Variants in KCNN3 observed in about 807,000 individuals in gnomAD.
KCNN3 encodes potassium calcium-activated channel subfamily N member 3.
KCNN3 carries 16 observed loss-of-function variants against 62.9 expected under a neutral mutation model. The observed-to-expected ratio is 0.25, with a 90% CI of 0.17 to 0.39. The LOEUF (loss-of-function observed/expected upper bound fraction) is 0.39, where lower values mean the gene tolerates loss of function less well. KCNN3 is among the 10% of genes least tolerant of loss of function. The probability of loss-of-function intolerance (pLI) is 1.00; values close to 1 mark genes in which losing one functional copy is unlikely to be tolerated. For synonymous variants in KCNN3, 370 were observed against 389.2 expected, an observed-to-expected ratio of 0.95 and a Z score of 0.58; for missense variants, 599 against 949.4, an observed-to-expected ratio of 0.63 and a Z score of 4.85.
At chr1:154,858,495 A>C (rs1652623933) in intron 1 of KCNN3, among the ~76,000 whole-genome samples, 1 of 152,220 alleles carries the variant, frequency 6.6e-6, no homozygotes, top group African/African-American at 2.4e-5. Context: ...TCTCTTAGGA[A>C]GAGTTGGTGG....
At chr1:154,763,410 C>T (rs1248075814) in intron 3 of KCNN3, among the ~76,000 whole-genome samples, 1 of 151,948 alleles carries the variant, frequency 6.6e-6, no homozygotes, top group Non-Finnish European at 1.5e-5. Context: ...CTATGTTGCC[C>T]AGGCTGAGGC....
intron 2 of KCNN3, among the ~76,000 whole-genome samples, chr1:154,812,832 T>G (rs1650472188): frequency 6.6e-6 from 1 of 152,228 alleles, no homozygotes; most frequent in Non-Finnish European, 1.5e-5. Flanking sequence ...GCTCTGTGAC[T>G]GGGCAGAGGC....
chr1:154,822,834 G>T (rs1321322875), intron 1 of KCNN3, among the ~76,000 whole-genome samples: 5 of 152,192 alleles, frequency 3.3e-5, no homozygotes, highest in Non-Finnish European at 5.9e-5. Context: ...GGGATTAGGT[G>T]GGGGAGGTGA....
rs180923389 is a variant in KCNN3 at position 154,749,660 on chromosome 1, G to A, written c.1449-16516C>T. 1.2e-3 allele frequency among the ~76,000 whole-genome samples: 187 copies of A among 152,288 alleles called. 2 individuals carry two copies. The highest frequency in any genetic ancestry group is 4.2e-3 in the African/African-American group (173 of 41,554). On this transcript the variant is annotated intron_variant, in intron 3 of 7. Coordinates refer to ENST00000271915, the MANE Select transcript of KCNN3 (RefSeq NM_002249.6). The stretch of plus-strand genomic sequence containing the variant: ...CTGACTCAGCAGAGGTTGCAAAGTA[G>A]CCCCCAGGGAATCAGAGAGAGAGGA...
chr1:154,836,429 C>T lies in KCNN3; in HGVS notation c.934-14245G>A, dbSNP rs557286072. 2.0e-5 allele frequency among the ~76,000 whole-genome samples: 3 copies of T among 152,316 alleles called. No individual in the cohort carries two copies. The South Asian group carries it at 6.2e-4, about 32-fold the overall frequency. ...TCTGAGCTCCCCTAGTCCAAAGCCT[C>T]GTTTTACAGATGGAGAGACTGAGAC... On this transcript the variant is annotated intron_variant, in intron 1 of 7. Transcript: ENST00000271915.
At chr1:154,770,260 C>A (rs1648485329) in intron 3 of KCNN3, among the ~76,000 whole-genome samples, 1 of 152,240 alleles carries the variant, frequency 6.6e-6, no homozygotes, top group African/African-American at 2.4e-5. Flanking sequence ...CTCTCAGAAC[C>A]TGAACCTGCA....
At chr1:154,834,988 C>T (rs770103183) in intron 1 of KCNN3, among the ~76,000 whole-genome samples, 4 of 152,192 alleles carry the variant, frequency 2.6e-5, no homozygotes, top group Non-Finnish European at 5.9e-5. Context: ...CCAGAACTCC[C>T]GGTCCTGACC....
chr1:154,836,545 C>G (rs1651597401), intron 1 of KCNN3, among the ~76,000 whole-genome samples: 1 of 152,240 alleles, frequency 6.6e-6, no homozygotes, highest in Non-Finnish European at 1.5e-5. Flanking sequence ...TTCTTGCTGA[C>G]TGTGGCTGGG....
At chr1:154,735,912 G>A (rs1384068144) in intron 3 of KCNN3, among the ~76,000 whole-genome samples, 3 of 152,192 alleles carry the variant, frequency 2.0e-5, no homozygotes, top group Non-Finnish European at 4.4e-5. Context: ...GGGAGAAGAC[G>A]TAAAGGCAGC....
intron 3 of KCNN3, among the ~76,000 whole-genome samples, chr1:154,758,791 G>GTTTTGTTTTGT (rs1647860675): frequency 6.7e-6 from 1 of 148,318 alleles, no homozygotes; most frequent in Non-Finnish European, 1.5e-5. Flanking sequence ...GGAGAACATC[G>GTTTTGTTTTGT]TTTTGTTTTT....
intron 5 of KCNN3, among the ~76,000 whole-genome samples, chr1:154,716,851 G>T (rs920195123): frequency 6.6e-6 from 1 of 152,140 alleles, no homozygotes; most frequent in Non-Finnish European, 1.5e-5. Flanking sequence ...AAAAAAGGCG[G>T]CACGGAAGGG....
chr1:154,712,962 A>AC (rs559022733), intron 7 of KCNN3, among the ~76,000 whole-genome samples: 17 of 151,482 alleles, frequency 1.1e-4, no homozygotes, highest in East Asian at 9.7e-4. Flanking sequence ...AAAGAAATGC[A>AC]CCCCCCCACA....
intron 2 of KCNN3, among the ~76,000 whole-genome samples, chr1:154,791,294 T>A (rs1649507487): frequency 1.3e-5 from 2 of 151,666 alleles, no homozygotes; most frequent in Non-Finnish European, 2.9e-5. Context: ...CACTTTTTTT[T>A]TTTTTTTCTC....
At chr1:154,752,128 A>G (rs948277611) in intron 3 of KCNN3, among the ~76,000 whole-genome samples, 1 of 152,128 alleles carries the variant, frequency 6.6e-6, no homozygotes, top group African/African-American at 2.4e-5. Context: ...TCATGAGTAG[A>G]GATGAGGCTG....
intron 3 of KCNN3, among the ~76,000 whole-genome samples, chr1:154,751,005 C>G (rs1437581320): frequency 2.0e-5 from 3 of 152,154 alleles, no homozygotes; most frequent in African/African-American, 7.2e-5. Flanking sequence ...TCACCTCATT[C>G]TTTTTAGATA....
At chr1:154,719,191 C>T (rs1369164697) in intron 5 of KCNN3, among the ~76,000 whole-genome samples, 2 of 152,096 alleles carry the variant, frequency 1.3e-5, no homozygotes, top group African/African-American at 4.8e-5. Context: ...ATTAGCAGAG[C>T]CCCCCAGAGA....
chr1:154,756,827 TG>T (rs1647740675), intron 3 of KCNN3, among the ~76,000 whole-genome samples: 1 of 152,340 alleles, frequency 6.6e-6, no homozygotes, highest in South Asian at 2.1e-4. Flanking sequence ...CCTGGTAGAC[TG>T]TAAGCCCATG....
Position 154,703,381 on chromosome 1 carries a change from CG to C in KCNN3, c.*4594del, listed in dbSNP as rs1553225787. On this transcript the variant is annotated 3_prime_UTR_variant, in exon 8 of 8. Coordinates refer to ENST00000271915, the MANE Select transcript of KCNN3 (RefSeq NM_002249.6). Reference sequence around the variant, plus strand: ...CTGCAAGGGGAGAGAAGGGGTTGTTCGTGCCTACTGGGAAGTCACCAGATAG... The same window carrying C: ...CTGCAAGGGGAGAGAAGGGGTTGTTCTGCCTACTGGGAAGTCACCAGATAG... 6.6e-6 allele frequency: 1 copy of C among 152,102 alleles called. No individual in the cohort carries two copies. Among genetic ancestry groups the C allele is most frequent in the Non-Finnish European group, 1.5e-5 (1 of 68,032 alleles). The allele number at this position is 152,102 out of a possible 1,614,324, so 9.4% of individuals were successfully genotyped here. A position where few individuals can be genotyped will look rare whatever the true frequency, so the allele number is the denominator to read the frequency against.
chr1:154,714,543 G>GGT (rs755571061), intron 6 of KCNN3, among the ~76,000 whole-genome samples: 10,520 of 26,668 alleles, frequency 0.39, 1,653 homozygotes, highest in Middle Eastern at 0.59. Flanking sequence ...GTGTGTGTGG[G>GGT]GTGTGTGTGT....
Sources: gnomAD v4.1 joint callset for allele counts (sites outside exome capture counted in the v4.1 genomes callset) on GRCh38, gnomAD v4.1.1 for gene constraint, MANE v1.5 for transcripts, NCBI Gene and HGNC (gene_info 2026-07-23, HGNC 2026-07-21) for gene names.